Variants in OLAH observed in about 807,000 individuals in gnomAD.
OLAH encodes the protein oleoyl-ACP hydrolase.
Under a neutral mutation model 27.8 loss-of-function variants are expected in OLAH, and 33 were observed. The ratio of observed to expected loss-of-function variants is 1.19; its 90% CI spans 0.90 to 1.59. The LOEUF (loss-of-function observed/expected upper bound fraction) is 1.59. OLAH is among the 40% of genes most tolerant of loss of function. The pLI, the probability that OLAH is intolerant of heterozygous loss-of-function variation, is 0.00. For synonymous variants in OLAH, 120 were observed against 102.9 expected (o/e 1.17, Z -1.01); for missense variants, 359 against 310.8 (o/e 1.16, Z -1.17).
chr10:15,045,407 G>T (rs915431074), intron 1 of OLAH, among the ~76,000 whole-genome samples: 1 of 152,174 alleles, frequency 6.6e-6, no homozygotes, highest in African/African-American at 2.4e-5. Context: ...TTTCTTGGAA[G>T]AACTTGCTCT....
Position 15,073,563 on chromosome 10 carries a change from G to T in OLAH, c.*334G>T, listed in dbSNP as rs183131004. The T allele has an allele frequency of 7.3e-3, 1,357 of 185,006 alleles. 14 individuals are homozygous for T. Among genetic ancestry groups the T allele is most frequent in the African/African-American group, 0.031 (1,297 of 41,516 alleles). The allele number at this position is 185,006 out of a possible 1,614,324, so 11.5% of individuals were successfully genotyped here. ...TAGTCCCAGCTACTCGGGAGGCTGAGGCAGGAGAATGGTGTGAACCTGGGA... is the reference window on the plus strand; with the variant it reads ...TAGTCCCAGCTACTCGGGAGGCTGATGCAGGAGAATGGTGTGAACCTGGGA... On this transcript the variant is annotated 3_prime_UTR_variant, in exon 8 of 8. Coordinates refer to ENST00000378228, the MANE Select transcript of OLAH (RefSeq NM_001039702.3).
At chr10:15,061,913 G>A in intron 4 of OLAH, 51 bp downstream of exon 4, 1 of 1,563,482 alleles carries the variant, frequency 6.4e-7, no homozygotes, top group Admixed American at 1.8e-5. Context: ...TCTATCTGAA[G>A]TTTGAGGTTA....
At chr10:15,043,156 A>C (rs528854258), upstream of OLAH, among the ~76,000 whole-genome samples, 2 of 151,634 alleles carry the variant, frequency 1.3e-5, no homozygotes, top group African/African-American at 2.4e-5. Flanking sequence ...CACCGCGTCC[A>C]GCCATCCACG....
chr10:15,066,289 T>C (rs1844466295), intron 6 of OLAH, among the ~76,000 whole-genome samples: 1 of 151,490 alleles, frequency 6.6e-6, no homozygotes, highest in Non-Finnish European at 1.5e-5. Flanking sequence ...AAAAAATATA[T>C]GATTAGACAT....
chr10:15,057,076 T>C (rs1844260592), intron 3 of OLAH: 1 of 1,261,096 alleles, frequency 7.9e-7, no homozygotes. Flanking sequence ...AATTTTAATA[T>C]AATCAAGCTT....
At chr10:15,032,411 C>G (rs1589231404) in intron 1 of OLAH, 1 of 150,910 alleles carries the variant, frequency 6.6e-6, no homozygotes, top group South Asian at 2.1e-4. Flanking sequence ...TTAGTTCTGT[C>G]CCTCTAGAGA....
At chr10:15,070,596 T>G (rs771606916) in intron 6 of OLAH, among the ~76,000 whole-genome samples, 16 of 151,902 alleles carry the variant, frequency 1.1e-4, no homozygotes, top group Non-Finnish European at 2.1e-4. Context: ...GGGATTCTCC[T>G]GCCTCTGCCT....
intron 6 of OLAH, among the ~76,000 whole-genome samples, chr10:15,069,018 C>T (rs1350628277): frequency 6.6e-6 from 1 of 152,166 alleles, no homozygotes; most frequent in South Asian, 2.1e-4. Flanking sequence ...AGAACAGCCT[C>T]TCTTCCTCCT....
upstream of OLAH, among the ~76,000 whole-genome samples, chr10:15,039,183 AC>A (rs1384806191): frequency 6.6e-6 from 1 of 151,930 alleles, no homozygotes; most frequent in South Asian, 2.1e-4. Flanking sequence ...CTATGATAGC[AC>A]CCCTGCACGC....
chr10:15,062,427 C>T (rs2131369260), intron 4 of OLAH, among the ~76,000 whole-genome samples: 1 of 152,056 alleles, frequency 6.6e-6, no homozygotes, highest in East Asian at 1.9e-4. Flanking sequence ...ATCCATCATC[C>T]TACTACCCAG....
At chr10:15,066,128 C>G (rs1368852097) in intron 6 of OLAH, among the ~76,000 whole-genome samples, 1 of 151,726 alleles carries the variant, frequency 6.6e-6, no homozygotes, top group African/African-American at 2.4e-5. Context: ...GTAATCCCAG[C>G]TACTTGGGAG....
chr10:15,044,444 A>T (rs148650680), intron 1 of OLAH, among the ~76,000 whole-genome samples: 6,258 of 150,606 alleles, frequency 0.042, 168 homozygotes, highest in African/African-American at 0.074. Context: ...ATATATATAT[A>T]TTTTTTTCTT....
chr10:15,070,047 G>A (rs2131380052), intron 6 of OLAH, among the ~76,000 whole-genome samples: 1 of 152,162 alleles, frequency 6.6e-6, no homozygotes, highest in Admixed American at 6.5e-5. Flanking sequence ...CCATCTCTCT[G>A]TAGTGGGAGT....
chr10:15,071,699 G>A (rs1028802328), intron 6 of OLAH, 96 bp from the exon 7 acceptor site: 28 of 1,463,936 alleles, frequency 1.9e-5, no homozygotes, highest in Admixed American at 4.1e-5. Flanking sequence ...AAGAAAAGAA[G>A]TGAACCCACC....
Position 15,073,467 on chromosome 10 carries a change from T to C in OLAH, c.*238T>C. On this transcript the variant is annotated 3_prime_UTR_variant, in exon 8 of 8. Transcript: ENST00000378228. ...CGAGGTCAGGAGATCGAGACCGTCC[T>C]GGCTAACACCGTGAAACCCCATCTC... 2.9e-6 allele frequency: 1 copy of C among 342,134 alleles called. No homozygotes were observed. Among genetic ancestry groups the C allele is most frequent in the Middle Eastern group, 8.7e-4 (1 of 1,152 alleles). 21.2% of individuals were successfully genotyped at this position (342,134 alleles called of 1,614,324 possible).
At chr10:15,038,903 C>T (rs1215477305) in intron 1 of OLAH, among the ~76,000 whole-genome samples, 6 of 152,094 alleles carry the variant, frequency 3.9e-5, no homozygotes, top group Non-Finnish European at 7.3e-5. Flanking sequence ...TGAATTCTTG[C>T]AAATATATTC....
upstream of OLAH, among the ~76,000 whole-genome samples, chr10:15,038,960 C>T (rs995551448): frequency 6.6e-6 from 1 of 152,114 alleles, no homozygotes; most frequent in Middle Eastern, 3.2e-3. Flanking sequence ...CAGTGGTTCA[C>T]GCTTGTAATA....
At chr10:15,044,100 G>C (rs765133857) in intron 1 of OLAH, 114 bp downstream of exon 1, 1 of 152,114 alleles carries the variant, frequency 6.6e-6, no homozygotes, top group Non-Finnish European at 1.5e-5. Context: ...TGCGAATATT[G>C]CTTTGTAACT....
chr10:15,033,030 A>T (rs1230463451), intron 1 of OLAH, among the ~76,000 whole-genome samples: 1 of 143,372 alleles, frequency 7.0e-6, no homozygotes, highest in Non-Finnish European at 1.5e-5. Context: ...CCACCACCAC[A>T]GTGGGCTAAT....
Sources: allele counts gnomAD v4.1 joint callset (sites outside exome capture counted in the v4.1 genomes callset), GRCh38; gene constraint gnomAD v4.1.1; transcripts MANE v1.5; gene names NCBI Gene and HGNC (gene_info 2026-07-23, HGNC 2026-07-21).